Variants in PTPRD observed in about 807,000 individuals in gnomAD.
PTPRD encodes protein tyrosine phosphatase receptor type D, also known as receptor-type tyrosine-protein phosphatase delta.
A neutral mutation model predicts 214.5 loss-of-function variants in PTPRD; 34 were observed. The observed-to-expected ratio is 0.16, with a 90% CI of 0.12 to 0.21. The LOEUF (loss-of-function observed/expected upper bound fraction) is 0.21. PTPRD is among the 10% of genes least tolerant of loss of function. The pLI, the probability that PTPRD is intolerant of heterozygous loss-of-function variation, is 1.00. For synonymous variants in PTPRD, 1,128 were observed against 845.7 expected, an observed-to-expected ratio of 1.33 and a Z score of -5.79; for missense variants, 2,545 against 2,398.7, an observed-to-expected ratio of 1.06 and a Z score of -1.27.
rs563933856 is a variant in PTPRD, at chr9:10,530,074, G to T, written c.-600+82324C>A. Among the ~76,000 whole-genome samples, 4 of 152,090 alleles carry T rather than the reference G, an allele frequency of 2.6e-5. No individual in the cohort carries two copies. The South Asian group carries it at 6.2e-4, about 24-fold the overall frequency. ...TATCCCAGAACTTAAGATTAAAAAA[G>T]TCAATTTAAAAAAAATATTGCAGTG... On this transcript the variant is annotated intron_variant, in intron 2 of 45. Transcript: ENST00000381196.
chr9:9,556,631 C>A lies in PTPRD; in HGVS notation c.-237+18101G>T, dbSNP rs539011091. The stretch of plus-strand genomic sequence containing the variant: ...TCAGTAAGTTATTGTTGCTAGGGCC[C>A]CATCTAAGATAAATGAATTGTTTAA... On this transcript the variant is annotated intron_variant, in intron 8 of 45. Transcript: ENST00000381196. Among the ~76,000 whole-genome samples the A allele has an allele frequency of 1.1e-4, 17 of 152,180 alleles. No homozygotes were observed. In the South Asian group the frequency reaches 3.5e-3, roughly 32 times the overall value.
chr9:8,815,663 T>C (rs2096905601), intron 11 of PTPRD, among the ~76,000 whole-genome samples: 1 of 152,180 alleles, frequency 6.6e-6, no homozygotes, highest in African/African-American at 2.4e-5. Flanking sequence ...ATGGGTTTTT[T>C]TTCCCTCATC....
At chr9:8,322,448 A>G (rs1472157098) in intron 44 of PTPRD, among the ~76,000 whole-genome samples, 1 of 152,194 alleles carries the variant, frequency 6.6e-6, no homozygotes, top group African/African-American at 2.4e-5. Context: ...GCTGATATGA[A>G]GAAAGTTTTA....
At chr9:8,640,137 T>G (rs1472504022) in intron 12 of PTPRD, among the ~76,000 whole-genome samples, 1 of 152,120 alleles carries the variant, frequency 6.6e-6, no homozygotes, top group Non-Finnish European at 1.5e-5. Context: ...CCCTATGTTG[T>G]TCAGCATGTC....
intron 3 of PTPRD, among the ~76,000 whole-genome samples, chr9:10,046,131 C>G (rs1185770276): frequency 1.3e-5 from 2 of 151,798 alleles, no homozygotes; most frequent in Non-Finnish European, 3.0e-5. Context: ...ACTTTGCACA[C>G]ATTACTAACA....
At chr9:9,425,809 C>T (rs916364759) in intron 8 of PTPRD, among the ~76,000 whole-genome samples, 5 of 151,944 alleles carry the variant, frequency 3.3e-5, no homozygotes, top group Non-Finnish European at 7.4e-5. Context: ...AATTTCTTCA[C>T]CACTAATTTA....
At chr9:9,970,713 G>C (rs1436341449) in intron 4 of PTPRD, among the ~76,000 whole-genome samples, 1 of 152,136 alleles carries the variant, frequency 6.6e-6, no homozygotes, top group Non-Finnish European at 1.5e-5. Context: ...TGACCGAATA[G>C]AGTCCTGGTC....
At position 9,287,359 on chromosome 9, in the gene PTPRD, C is replaced by T. The variant is rs142951883; in HGVS notation, c.-202-103996G>A. Among the ~76,000 whole-genome samples the T allele has an allele frequency of 3.9e-5, 6 of 151,924 alleles. No homozygotes were observed. In the East Asian group the frequency reaches 1.2e-3, roughly 30 times the overall value. ...GTCACCTTTTTCTCCACAATAATTG[C>T]TGTAATATTTATTAATATAATCAGT... On this transcript the variant is annotated intron_variant, in intron 9 of 45. Coordinates refer to ENST00000381196, the MANE Select transcript of PTPRD (RefSeq NM_002839.4).
At chr9:10,582,627 G>A (rs548152674) in intron 2 of PTPRD, among the ~76,000 whole-genome samples, 1 of 152,246 alleles carries the variant, frequency 6.6e-6, no homozygotes, top group African/African-American at 2.4e-5. Context: ...ATTTTAGGGT[G>A]TATTTAATAT....
At chr9:10,062,340 C>T (rs188655158) in intron 3 of PTPRD, among the ~76,000 whole-genome samples, 10 of 152,068 alleles carry the variant, frequency 6.6e-5, no homozygotes, top group Non-Finnish European at 1.3e-4. Context: ...TGCAGTGGCT[C>T]GATGCCTGTA....
rs531469091 is a variant in PTPRD, at chr9:10,271,566, G to A, written c.-545+69397C>T. ...TTTCTTTTCTTTTTTTTTTTGAGAC[G>A]GAATCTTGCTCTGTCGCCCAGACCA... On this transcript the variant is annotated intron_variant, in intron 3 of 45. Coordinates refer to ENST00000381196, the MANE Select transcript of PTPRD (RefSeq NM_002839.4). Among the ~76,000 whole-genome samples the A allele has an allele frequency of 8.8e-5, 11 of 124,748 alleles. No homozygotes were observed. In the South Asian group the frequency reaches 1.0e-3, roughly 11 times the overall value. 81.8% of individuals were successfully genotyped at this position (124,748 alleles called of 152,430 possible).
At chr9:10,452,936 T>G (rs1429378223) in intron 2 of PTPRD, among the ~76,000 whole-genome samples, 2 of 151,492 alleles carry the variant, frequency 1.3e-5, no homozygotes, top group Non-Finnish European at 3.0e-5. Context: ...ATGTTTTATT[T>G]TGGGAGTTTT....
At chr9:9,388,143 T>C (rs7034580) in intron 9 of PTPRD, among the ~76,000 whole-genome samples, 8,311 of 152,242 alleles carry the variant, frequency 0.055, 737 homozygotes, top group African/African-American at 0.19. Context: ...GTTTTCCCCA[T>C]GACCAGCCGC....
intron 3 of PTPRD, among the ~76,000 whole-genome samples, chr9:10,158,398 A>G (rs13296704): frequency 0.087 from 13,204 of 152,166 alleles, 746 homozygotes; most frequent in Admixed American, 0.15. Flanking sequence ...TCAGCCATGC[A>G]TTTTAGTGAT....
chr9:10,601,899 TAAC>T (rs1245191234), intron 2 of PTPRD, among the ~76,000 whole-genome samples: 1 of 151,772 alleles, frequency 6.6e-6, no homozygotes, highest in Non-Finnish European at 1.5e-5. Context: ...TGAATTTTCT[TAAC>T]AAGTAATCAG....
At chr9:8,396,835 G>A (rs1319560914) in intron 36 of PTPRD, among the ~76,000 whole-genome samples, 1 of 152,056 alleles carries the variant, frequency 6.6e-6, no homozygotes, top group Non-Finnish European at 1.5e-5. Context: ...ACTGCTCCAG[G>A]TTTCCCAGGC....
intron 8 of PTPRD, among the ~76,000 whole-genome samples, chr9:9,516,053 G>A (rs778842959): frequency 2.0e-5 from 3 of 152,084 alleles, no homozygotes; most frequent in Non-Finnish European, 4.4e-5. Context: ...CAACATTCAA[G>A]CTTTTTGCTT....
At position 8,486,174 on chromosome 9, in the gene PTPRD, T is replaced by C. The variant is rs61733191; in HGVS notation, c.2643A>G (p.Thr881=). 5 of 1,614,190 alleles carry C rather than the reference T, an allele frequency of 3.1e-6. No homozygotes were observed. The highest frequency in any genetic ancestry group is 4.2e-6 in the Non-Finnish European group (5 of 1,180,032). Residue 881 remains threonine, a synonymous_variant, in exon 28 of 46, where the codon ACA becomes ACG. Coordinates refer to ENST00000381196, the MANE Select transcript of PTPRD (RefSeq NM_002839.4). ...LEFSEKEDHF[T]ATDIHKGASY... is the part of the protein sequence containing the mutation. ...ATGCTCCCTTGTGGATGTCTGTAGC[T>C]GTAAAGTGATCTTCTTTTTCAGAGA...
intron 11 of PTPRD, among the ~76,000 whole-genome samples, chr9:8,757,477 G>C (rs1266593116): frequency 1.3e-5 from 2 of 151,936 alleles, no homozygotes; most frequent in Non-Finnish European, 2.9e-5. Context: ...TTGGGTGTAA[G>C]AAGGAATTAA....
Sources: allele counts gnomAD v4.1 joint callset (sites outside exome capture counted in the v4.1 genomes callset), GRCh38; gene constraint gnomAD v4.1.1; transcripts MANE v1.5; gene names NCBI Gene and HGNC (gene_info 2026-07-23, HGNC 2026-07-21).